ARHGAP24: variants seen among roughly 807,000 people sequenced by gnomAD.
ARHGAP24 encodes Rho GTPase activating protein 24.
A neutral mutation model predicts 76.4 loss-of-function variants in ARHGAP24; 50 were observed. The ratio of observed to expected loss-of-function variants is 0.65; its 90% CI spans 0.52 to 0.83. The LOEUF (loss-of-function observed/expected upper bound fraction) is 0.83, where lower values mean the gene tolerates loss of function less well. ARHGAP24 is among the 40% of genes least tolerant of loss of function. The pLI is 0.00. For synonymous variants in ARHGAP24, 345 were observed against 323.3 expected (o/e 1.07, Z -0.72); for missense variants, 930 against 914.2 (o/e 1.02, Z -0.22).
At chr4:85,830,266 G>A (rs1250463405) in intron 3 of ARHGAP24, among the ~76,000 whole-genome samples, 1 of 152,134 alleles carries the variant, frequency 6.6e-6, no homozygotes, top group East Asian at 1.9e-4. Flanking sequence ...CTTGGGACCA[G>A]GGAAAATCCT....
chr4:85,580,045 A>T (rs2109970975), intron 2 of ARHGAP24, among the ~76,000 whole-genome samples: 1 of 152,106 alleles, frequency 6.6e-6, no homozygotes, highest in East Asian at 1.9e-4. Context: ...ATTTTTATTC[A>T]ATTTCAATCT....
chr4:85,800,471 TG>T (rs1297854463), intron 3 of ARHGAP24, among the ~76,000 whole-genome samples: 1 of 150,322 alleles, frequency 6.7e-6, no homozygotes, highest in Non-Finnish European at 1.5e-5. Context: ...AAACCATTGC[TG>T]GACATAAGGT....
intron 7 of ARHGAP24, among the ~76,000 whole-genome samples, chr4:85,976,352 G>A (rs1420478932): frequency 1.3e-5 from 2 of 152,184 alleles, no homozygotes; most frequent in Non-Finnish European, 2.9e-5. Context: ...ACATCCTCCG[G>A]TGGGTTCAAG....
intron 5 of ARHGAP24, among the ~76,000 whole-genome samples, chr4:85,949,233 A>G (rs1445430870): frequency 6.6e-6 from 1 of 152,144 alleles, no homozygotes. Context: ...TGGTTCCAAT[A>G]CTAATACCCA....
intron 2 of ARHGAP24, among the ~76,000 whole-genome samples, chr4:85,643,862 G>T (rs1231140616): frequency 6.6e-6 from 1 of 152,170 alleles, no homozygotes; most frequent in Non-Finnish European, 1.5e-5. Flanking sequence ...ACTGAAAGCT[G>T]TGTGTTTGAG....
intron 5 of ARHGAP24, among the ~76,000 whole-genome samples, chr4:85,950,142 T>C (rs752911967): frequency 6.6e-6 from 1 of 152,050 alleles, no homozygotes. Flanking sequence ...GGTAGAAGAA[T>C]AGCAAGTGCA....
intron 3 of ARHGAP24, among the ~76,000 whole-genome samples, chr4:85,774,152 G>A (rs971436860): frequency 2.0e-5 from 3 of 152,150 alleles, no homozygotes; most frequent in Admixed American, 6.5e-5. Flanking sequence ...TGATGTGGCC[G>A]TACTTGAAGT....
chr4:85,883,965 A>G (rs1733409386), intron 3 of ARHGAP24, among the ~76,000 whole-genome samples: 1 of 152,142 alleles, frequency 6.6e-6, no homozygotes, highest in Non-Finnish European at 1.5e-5. Context: ...AACAACAACA[A>G]AAAAATCATC....
intron 1 of ARHGAP24, among the ~76,000 whole-genome samples, chr4:85,531,219 T>C (rs920366177): frequency 1.3e-5 from 2 of 152,054 alleles, no homozygotes; most frequent in African/African-American, 4.8e-5. Flanking sequence ...AACAGAAATG[T>C]ACATCAACTT....
intron 3 of ARHGAP24, among the ~76,000 whole-genome samples, chr4:85,908,288 T>C (rs1292771809): frequency 6.6e-6 from 1 of 152,250 alleles, no homozygotes; most frequent in Non-Finnish European, 1.5e-5. Flanking sequence ...GCTCAGTTCA[T>C]GTCTTCTTTG....
At chr4:85,843,229 A>C (rs1348950198) in intron 3 of ARHGAP24, among the ~76,000 whole-genome samples, 1 of 152,200 alleles carries the variant, frequency 6.6e-6, no homozygotes, top group Non-Finnish European at 1.5e-5. Flanking sequence ...ATTGTTGGAC[A>C]GTTCTCTTAT....
At chr4:85,989,361 T>G (rs1203116293) in intron 8 of ARHGAP24, among the ~76,000 whole-genome samples, 2 of 151,306 alleles carry the variant, frequency 1.3e-5, no homozygotes, top group Non-Finnish European at 3.0e-5. Context: ...AGAAAGAAAC[T>G]GAGACTAGTA....
At chr4:85,729,125 T>C (rs1725290650) in intron 3 of ARHGAP24, among the ~76,000 whole-genome samples, 1 of 152,170 alleles carries the variant, frequency 6.6e-6, no homozygotes, top group Non-Finnish European at 1.5e-5. Flanking sequence ...TGTGACAATC[T>C]CTTTTTTTGT....
At chr4:85,895,142 A>C (rs1481002012) in intron 3 of ARHGAP24, among the ~76,000 whole-genome samples, 3 of 152,042 alleles carry the variant, frequency 2.0e-5, no homozygotes. Context: ...AAATCTCAGT[A>C]ATCACCACTG....
chr4:85,783,038 C>T (rs904430399), intron 3 of ARHGAP24, among the ~76,000 whole-genome samples: 1 of 152,088 alleles, frequency 6.6e-6, no homozygotes, highest in African/African-American at 2.4e-5. Flanking sequence ...TAAGCAAAGC[C>T]ATTTAATAAA....
intron 3 of ARHGAP24, among the ~76,000 whole-genome samples, chr4:85,811,520 C>T (rs1453228567): frequency 6.6e-6 from 1 of 152,174 alleles, no homozygotes; most frequent in Non-Finnish European, 1.5e-5. Context: ...CATGATACCT[C>T]ATTTCTATGA....
chr4:85,694,112 G>A (rs190223326), intron 2 of ARHGAP24, among the ~76,000 whole-genome samples: 120 of 151,892 alleles, frequency 7.9e-4, no homozygotes, highest in Middle Eastern at 6.8e-3. Flanking sequence ...TTGCATCTCC[G>A]TCTACTCCTA....
chr4:85,634,551 C>A (rs1315103217), intron 2 of ARHGAP24, among the ~76,000 whole-genome samples: 2 of 151,828 alleles, frequency 1.3e-5, no homozygotes, highest in African/African-American at 4.8e-5. Context: ...GCTTCATCTC[C>A]TGCATGTCAT....
chr4:85,563,024 G>T (rs1726662250), intron 1 of ARHGAP24, among the ~76,000 whole-genome samples: 1 of 152,196 alleles, frequency 6.6e-6, no homozygotes, highest in Non-Finnish European at 1.5e-5. Context: ...ATGCACTCAG[G>T]AGAAGGGAAG....
Sources: allele counts gnomAD v4.1 joint callset (sites outside exome capture counted in the v4.1 genomes callset), GRCh38; gene constraint gnomAD v4.1.1; transcripts MANE v1.5; gene names NCBI Gene and HGNC (gene_info 2026-07-23, HGNC 2026-07-21).